Variants in CTNNBL1 observed in about 807,000 individuals in gnomAD.
CTNNBL1 encodes the protein beta-catenin-like protein 1.
In CTNNBL1, 31 loss-of-function variants were observed where a neutral mutation model predicts 72.7. That is an observed-to-expected ratio of 0.43 (90% CI 0.32 to 0.58). The LOEUF is 0.58. CTNNBL1 is among the 20% of genes least tolerant of loss of function. The pLI is 0.08. For missense variants in CTNNBL1, 534 were observed against 725.1 expected, an observed-to-expected ratio of 0.74 and a Z score of 3.03; for synonymous variants, 240 against 267.3, an observed-to-expected ratio of 0.90 and a Z score of 1.00.
Position 37,779,169 on chromosome 20 carries a change from G to A in CTNNBL1, c.883-18G>A. ...ATTCTCTTATAGCTCTGTGCTTTGT[G>A]CTGTTTTTGCTTGACAGGTGTTTAA... On this transcript the variant is annotated intron_variant, in intron 9 of 15. Transcript: ENST00000361383. The A allele has an allele frequency of 1.2e-6, 2 of 1,611,348 alleles. No individual in the cohort carries two copies. The highest frequency in any genetic ancestry group is 1.3e-5 in the African/African-American group (1 of 74,986).
At chr20:37,858,881 G>A (rs1395821579) in intron 13 of CTNNBL1, among the ~76,000 whole-genome samples, 1 of 152,080 alleles carries the variant, frequency 6.6e-6, no homozygotes, top group Non-Finnish European at 1.5e-5. Flanking sequence ...CATGCCCTCT[G>A]ACAAAACACC....
intron 3 of CTNNBL1, among the ~76,000 whole-genome samples, chr20:37,738,465 C>G (rs2073188013): frequency 6.6e-6 from 1 of 152,226 alleles, no homozygotes; most frequent in Non-Finnish European, 1.5e-5. Flanking sequence ...GTCTTGAATC[C>G]TAACCAAGGG....
chr20:37,815,513 T>G (rs572111481), intron 11 of CTNNBL1, among the ~76,000 whole-genome samples: 2 of 152,178 alleles, frequency 1.3e-5, no homozygotes, highest in South Asian at 4.2e-4. Context: ...AGACGGGGTT[T>G]CACCATGTTG....
intron 11 of CTNNBL1, among the ~76,000 whole-genome samples, chr20:37,837,406 G>T (rs932614668): frequency 1.3e-5 from 2 of 151,956 alleles, no homozygotes; most frequent in African/African-American, 4.8e-5. Context: ...GGGAGCCTGG[G>T]GTCTTGAGAA....
At chr20:37,740,088 T>C (rs2073202078) in intron 3 of CTNNBL1, among the ~76,000 whole-genome samples, 1 of 152,218 alleles carries the variant, frequency 6.6e-6, no homozygotes, top group African/African-American at 2.4e-5. Flanking sequence ...TAAGACAATG[T>C]GATTTTATTT....
At chr20:37,755,504 A>G (rs1781376983) in intron 4 of CTNNBL1, among the ~76,000 whole-genome samples, 1 of 152,226 alleles carries the variant, frequency 6.6e-6, no homozygotes. Flanking sequence ...CTTTACTCAT[A>G]TTAAGTTTTG....
intron 7 of CTNNBL1, among the ~76,000 whole-genome samples, chr20:37,768,608 TACTC>T (rs1336349706): frequency 2.0e-5 from 3 of 152,192 alleles, no homozygotes; most frequent in Non-Finnish European, 4.4e-5. Flanking sequence ...GCGTTTTAGT[TACTC>T]ACAGTTAACC....
chr20:37,784,396 T>A lies in CTNNBL1; in HGVS notation c.1031+5061T>A, dbSNP rs183869386. Among the ~76,000 whole-genome samples the A allele has an allele frequency of 3.3e-5, 5 of 152,322 alleles. No homozygotes were observed. In the East Asian group the frequency reaches 9.6e-4, roughly 29 times the overall value. On this transcript the variant is annotated intron_variant, in intron 10 of 15. Coordinates refer to ENST00000361383, the MANE Select transcript of CTNNBL1 (RefSeq NM_030877.5). ...GGACTTAATCCTGCCATTTTGTTAT[T>A]TGTTTTCTGGTTGTTTTGTGGTGTT...
At chr20:37,807,316 T>C (rs2071968360) in intron 11 of CTNNBL1, among the ~76,000 whole-genome samples, 1 of 152,106 alleles carries the variant, frequency 6.6e-6, no homozygotes, top group South Asian at 2.1e-4. Context: ...CCTTAAACTG[T>C]CTCCACCTCT....
rs2072934697 is a variant in CTNNBL1 at position 37,711,153 on chromosome 20, T to A, written c.30+17001T>A. Among the ~76,000 whole-genome samples, 2 of 152,188 alleles carry A rather than the reference T, an allele frequency of 1.3e-5. 1 individual carries two copies. Among genetic ancestry groups the A allele is most frequent in the South Asian group, 4.1e-4 (2 of 4,824 alleles). On this transcript the variant is annotated intron_variant, in intron 1 of 15. Transcript: ENST00000361383. ...TCTGATCCTCCTGTGAAAGGACAGT[T>A]TGAGCAAAACCTTGCTTGAGAAGCT... is the stretch of plus-strand genomic sequence containing the variant.
intron 1 of CTNNBL1, among the ~76,000 whole-genome samples, chr20:37,705,394 T>C (rs951044568): frequency 1.1e-4 from 17 of 152,340 alleles, no homozygotes; most frequent in African/African-American, 4.1e-4. Flanking sequence ...GAGTGCCCAG[T>C]AAGTGTTACC....
intron 6 of CTNNBL1, among the ~76,000 whole-genome samples, chr20:37,767,588 C>T (rs768310025): frequency 3.9e-5 from 6 of 152,320 alleles, no homozygotes; most frequent in Non-Finnish European, 7.3e-5. Context: ...AAGGCTTTTG[C>T]CTAGCTCCCA....
intron 13 of CTNNBL1, among the ~76,000 whole-genome samples, chr20:37,857,653 G>C (rs1251640027): frequency 6.6e-6 from 1 of 152,112 alleles, no homozygotes; most frequent in Admixed American, 6.5e-5. Context: ...GGTGGAGATT[G>C]ATGACCATAG....
At chr20:37,702,758 T>C (rs1464065737) in intron 1 of CTNNBL1, among the ~76,000 whole-genome samples, 1 of 152,216 alleles carries the variant, frequency 6.6e-6, no homozygotes, top group African/African-American at 2.4e-5. Flanking sequence ...ACATTCTATT[T>C]ATATGCCTCC....
At chr20:37,798,326 C>G (rs2073796139) in intron 10 of CTNNBL1, among the ~76,000 whole-genome samples, 2 of 152,190 alleles carry the variant, frequency 1.3e-5, no homozygotes, top group South Asian at 2.1e-4. Flanking sequence ...TCAGAAGGCT[C>G]ACTGTTAGCA....
intron 2 of CTNNBL1, among the ~76,000 whole-genome samples, chr20:37,733,925 T>A (rs1287092612): frequency 1.3e-5 from 2 of 152,218 alleles, no homozygotes; most frequent in East Asian, 1.9e-4. Flanking sequence ...AATAAATATT[T>A]ATTGAATGAA....
rs141209037 is a variant in CTNNBL1 at position 37,819,906 on chromosome 20, G to A, written c.1213+16858G>A. On this transcript the variant is annotated intron_variant, in intron 11 of 15. Coordinates refer to ENST00000361383, the MANE Select transcript of CTNNBL1 (RefSeq NM_030877.5). Reference sequence around the variant, plus strand: ...TTTTTTTTTTTTGAGACACAGTTTCGCTCTGTCGCCCAGGCTGGAGTGCAC... The same window carrying A: ...TTTTTTTTTTTTGAGACACAGTTTCACTCTGTCGCCCAGGCTGGAGTGCAC... 9.5e-3 allele frequency among the ~76,000 whole-genome samples: 1,200 copies of A among 125,998 alleles called. 18 individuals are homozygous for A. Among genetic ancestry groups the A allele is most frequent in the African/African-American group, 0.035 (1,150 of 33,092 alleles). The allele number at this position is 125,998 out of a possible 152,430, so 82.7% of individuals were successfully genotyped here.
intron 3 of CTNNBL1, among the ~76,000 whole-genome samples, chr20:37,742,700 A>T (rs1600457162): frequency 6.7e-6 from 1 of 149,314 alleles, no homozygotes; most frequent in Non-Finnish European, 1.5e-5. Flanking sequence ...TTTGCCCTTT[A>T]TCTATCTTTG....
chr20:37,835,475 T>C (rs2072245827), intron 11 of CTNNBL1, among the ~76,000 whole-genome samples: 1 of 152,198 alleles, frequency 6.6e-6, no homozygotes, highest in South Asian at 2.1e-4. Flanking sequence ...TCACAATTAC[T>C]AAGTTGGATA....
Sources: gnomAD v4.1 joint callset for allele counts (sites outside exome capture counted in the v4.1 genomes callset) on GRCh38, gnomAD v4.1.1 for gene constraint, MANE v1.5 for transcripts, NCBI Gene and HGNC (gene_info 2026-07-23, HGNC 2026-07-21) for gene names.